The following NKAIN3 variants were observed in gnomAD, a reference collection of about 807,000 sequenced individuals.
NKAIN3 encodes the protein sodium/potassium transporting ATPase interacting 3.
NKAIN3 carries 25 observed loss-of-function variants against 30.2 expected under a neutral mutation model. That is an observed-to-expected ratio of 0.83 (90% confidence interval 0.60 to 1.16). The LOEUF (loss-of-function observed/expected upper bound fraction) is 1.16. Ranked by LOEUF, NKAIN3 falls within the 50% of genes most tolerant of loss-of-function variation. NKAIN3 has a pLI of 0.00. For missense variants in NKAIN3, 225 were observed against 254.1 expected (o/e 0.89, Z 0.78); for synonymous variants, 91 against 89.6 (o/e 1.02, Z -0.09).
intron 1 of NKAIN3, among the ~76,000 whole-genome samples, chr8:62,424,615 T>TG (rs1804746839): frequency 6.6e-6 from 1 of 151,908 alleles, no homozygotes; most frequent in Non-Finnish European, 1.5e-5. Flanking sequence ...ATCTCACACC[T>TG]GTTCAGATGG....
intron 4 of NKAIN3, among the ~76,000 whole-genome samples, chr8:62,797,911 G>T (rs1006454077): frequency 2.0e-5 from 3 of 152,162 alleles, no homozygotes; most frequent in African/African-American, 7.2e-5. Context: ...TGTGAAGAAT[G>T]GAGTTATGCT....
At chr8:62,749,561 G>A (rs141473658) in intron 4 of NKAIN3, among the ~76,000 whole-genome samples, 1 of 151,236 alleles carries the variant, frequency 6.6e-6, no homozygotes. Context: ...TCAAGAAATT[G>A]TTTCACAACT....
At chr8:62,459,133 T>A (rs1386977977) in intron 1 of NKAIN3, among the ~76,000 whole-genome samples, 1 of 152,048 alleles carries the variant, frequency 6.6e-6, no homozygotes, top group African/African-American at 2.4e-5. Context: ...CAGCAGTGCT[T>A]GATCATGAGG....
chr8:62,953,857 GT>G lies in NKAIN3; in HGVS notation c.533-44del, dbSNP rs1379734715. The stretch of plus-strand genomic sequence containing the variant: ...TCTATTTTAAACATTAGTATTATGT[GT>G]ATTTTTTACACACTTATTCATATGG... On this transcript the variant is annotated intron_variant, in intron 5 of 6. Coordinates refer to ENST00000623646, the MANE Select transcript of NKAIN3 (RefSeq NM_001304533.3). The G allele has an allele frequency of 1.5e-5, 8 of 538,002 alleles. No individual in the cohort carries two copies. In the East Asian group the frequency reaches 1.0e-3, roughly 70 times the overall value. The allele number at this position is 538,002 out of a possible 1,614,324, so 33.3% of individuals were successfully genotyped here.
intron 4 of NKAIN3, among the ~76,000 whole-genome samples, chr8:62,790,061 C>G (rs188288188): frequency 6.6e-6 from 1 of 152,228 alleles, no homozygotes; most frequent in East Asian, 1.9e-4. Context: ...CAAAAATCCT[C>G]AATAAAATAC....
chr8:62,512,829 C>T (rs1807856990), intron 1 of NKAIN3, among the ~76,000 whole-genome samples: 1 of 152,154 alleles, frequency 6.6e-6, no homozygotes, highest in Non-Finnish European at 1.5e-5. Context: ...CCTTTCCTTT[C>T]TGATTAGGAA....
chr8:62,377,517 G>C (rs16928820), intron 1 of NKAIN3, among the ~76,000 whole-genome samples: 3,541 of 152,118 alleles, frequency 0.023, 64 homozygotes, highest in Non-Finnish European at 0.038. Flanking sequence ...AGAAAATAAC[G>C]AAATAATGGG....
intron 4 of NKAIN3, among the ~76,000 whole-genome samples, chr8:62,768,112 G>A (rs532040878): frequency 6.6e-6 from 1 of 152,064 alleles, no homozygotes; most frequent in Non-Finnish European, 1.5e-5. Context: ...CCTCTGGGCA[G>A]GCGCATCCAT....
At chr8:62,932,299 T>C (rs1436055142) in intron 5 of NKAIN3, among the ~76,000 whole-genome samples, 1 of 152,202 alleles carries the variant, frequency 6.6e-6, no homozygotes, top group African/African-American at 2.4e-5. Context: ...TAAAACTCGA[T>C]CTGCCAGAAG....
intron 1 of NKAIN3, among the ~76,000 whole-genome samples, chr8:62,317,535 C>T (rs961593613): frequency 3.3e-5 from 5 of 152,174 alleles, no homozygotes; most frequent in East Asian, 1.9e-4. Flanking sequence ...AATAGGGAAT[C>T]CTTTCCCCAT....
At chr8:62,771,311 A>G (rs1050316552) in intron 4 of NKAIN3, among the ~76,000 whole-genome samples, 6 of 150,476 alleles carry the variant, frequency 4.0e-5, no homozygotes, top group Admixed American at 1.3e-4. Flanking sequence ...TATCCCAACA[A>G]TGACTCAACA....
chr8:62,820,347 A>G (rs1818812563), intron 4 of NKAIN3, among the ~76,000 whole-genome samples: 1 of 152,190 alleles, frequency 6.6e-6, no homozygotes, highest in Non-Finnish European at 1.5e-5. Flanking sequence ...GGCATTGAGA[A>G]TGGAAGTAAA....
chr8:62,839,014 T>C (rs1448007429), intron 4 of NKAIN3, among the ~76,000 whole-genome samples: 1 of 152,028 alleles, frequency 6.6e-6, no homozygotes, highest in African/African-American at 2.4e-5. Context: ...CTCCAGGGTG[T>C]AGACATTTCA....
chr8:62,600,698 A>G (rs995468541), intron 3 of NKAIN3, among the ~76,000 whole-genome samples: 4 of 152,080 alleles, frequency 2.6e-5, no homozygotes, highest in African/African-American at 9.7e-5. Flanking sequence ...TGATTCTTGG[A>G]GAAATTTAAG....
intron 3 of NKAIN3, among the ~76,000 whole-genome samples, chr8:62,693,150 C>T (rs1006429092): frequency 6.6e-6 from 1 of 152,130 alleles, no homozygotes; most frequent in Non-Finnish European, 1.5e-5. Flanking sequence ...GTGGCTGTGG[C>T]TCATTGGGTG....
intron 4 of NKAIN3, among the ~76,000 whole-genome samples, chr8:62,769,853 T>A (rs1816960423): frequency 6.6e-6 from 1 of 152,202 alleles, no homozygotes; most frequent in Admixed American, 6.5e-5. Flanking sequence ...TCCTAATTTA[T>A]GACTTTTTTA....
In NKAIN3 at chr8:62,902,808, A is replaced by G. The variant is rs1821652364; in HGVS notation, c.472-15645A>G. Among the ~76,000 whole-genome samples, 10 of 152,364 alleles carry G rather than the reference A, an allele frequency of 6.6e-5. No individual in the cohort carries two copies. The South Asian group carries it at 2.1e-3, about 32-fold the overall frequency. ...GAAGAATTATTGAATTTGGCAATGT[A>G]CACTTAGAAAAGTCCTACATGAAAT... On this transcript the variant is annotated intron_variant, in intron 4 of 6. Transcript: ENST00000623646.
intron 4 of NKAIN3, among the ~76,000 whole-genome samples, chr8:62,884,942 A>G (rs768802388): frequency 6.6e-6 from 1 of 151,458 alleles, no homozygotes; most frequent in African/African-American, 2.4e-5. Flanking sequence ...TATTAAACTT[A>G]TGGTTTGTTG....
chr8:62,801,076 C>T (rs1189066822), intron 4 of NKAIN3, among the ~76,000 whole-genome samples: 1 of 152,234 alleles, frequency 6.6e-6, no homozygotes, highest in Non-Finnish European at 1.5e-5. Flanking sequence ...GGGCTCCCAC[C>T]ATTGCCCAGG....
Sources: gnomAD v4.1 joint callset for allele counts (sites outside exome capture counted in the v4.1 genomes callset) on GRCh38, gnomAD v4.1.1 for gene constraint, MANE v1.5 for transcripts, NCBI Gene and HGNC (gene_info 2026-07-23, HGNC 2026-07-21) for gene names.